The following ANKRD17 variants were observed in gnomAD, a reference collection of about 807,000 sequenced individuals.
The protein encoded by ANKRD17 is ankyrin repeat domain-containing protein 17.
In ANKRD17, 19 loss-of-function variants were observed where a neutral mutation model predicts 229.7. That is an observed-to-expected ratio of 0.08 (90% CI 0.06 to 0.12). The LOEUF is 0.12. Among genes scored for constraint, ANKRD17 ranks in the 10% least tolerant of loss-of-function variants. The pLI is 1.00. For synonymous variants in ANKRD17, 1,112 were observed against 1,146.1 expected (o/e 0.97, Z 0.60); for missense variants, 2,176 against 3,176.8 (o/e 0.68, Z 7.57).
intron 3 of ANKRD17, 71 bp downstream of exon 3, chr4:73,161,121 G>A: frequency 6.4e-7 from 1 of 1,553,050 alleles, no homozygotes; most frequent in Admixed American, 1.8e-5. Context: ...TAAATGCTCA[G>A]TAAATGTTAG....
chr4:73,130,030 G>A (rs1560564811), intron 16 of ANKRD17, among the ~76,000 whole-genome samples: 1 of 151,796 alleles, frequency 6.6e-6, no homozygotes, highest in Non-Finnish European at 1.5e-5. Flanking sequence ...CTCCCAAAGT[G>A]CTGGGATTAC....
intron 6 of ANKRD17, among the ~76,000 whole-genome samples, chr4:73,153,331 A>T (rs1380003795): frequency 6.6e-6 from 1 of 152,120 alleles, no homozygotes; most frequent in African/African-American, 2.4e-5. Context: ...TTAATAAAAA[A>T]TTTTCTTAAT....
At chr4:73,094,804 T>C (rs180950284) in intron 27 of ANKRD17, among the ~76,000 whole-genome samples, 131 of 152,052 alleles carry the variant, frequency 8.6e-4, no homozygotes, top group African/African-American at 2.9e-3. Flanking sequence ...GAAAGACTTC[T>C]TGTGGGCCCC....
intron 1 of ANKRD17, among the ~76,000 whole-genome samples, chr4:73,212,598 A>T (rs184762438): frequency 1.7e-3 from 244 of 147,326 alleles, no homozygotes; most frequent in South Asian, 4.7e-3. Context: ...GAAAGATATT[A>T]AAAAAAAAAA....
chr4:73,253,456 G>A (rs1051755082), intron 1 of ANKRD17, among the ~76,000 whole-genome samples: 4 of 152,154 alleles, frequency 2.6e-5, no homozygotes, highest in Admixed American at 1.3e-4. Flanking sequence ...ATGAGAATAC[G>A]AGAAAATTGT....
chr4:73,176,105 G>GA (rs574071202), intron 2 of ANKRD17, among the ~76,000 whole-genome samples: 13 of 151,462 alleles, frequency 8.6e-5, no homozygotes, highest in Admixed American at 2.0e-4. Flanking sequence ...CAAACAATAG[G>GA]AAAAAAAATC....
At chr4:73,117,482 T>C (rs1436203617) in intron 22 of ANKRD17, among the ~76,000 whole-genome samples, 3 of 152,206 alleles carry the variant, frequency 2.0e-5, no homozygotes, top group South Asian at 4.1e-4. Flanking sequence ...GATAATGATA[T>C]GCTAGCTTGC....
chr4:73,222,743 T>C (rs1305669033), intron 1 of ANKRD17, among the ~76,000 whole-genome samples: 1 of 152,184 alleles, frequency 6.6e-6, no homozygotes, highest in African/African-American at 2.4e-5. Flanking sequence ...CAAACATATA[T>C]CTACAATTTA....
At chr4:73,086,667 T>C (rs1722158719) in intron 29 of ANKRD17, among the ~76,000 whole-genome samples, 1 of 151,206 alleles carries the variant, frequency 6.6e-6, no homozygotes, top group South Asian at 2.1e-4. Context: ...TAGCTCACGG[T>C]AGCCACAAAC....
chr4:73,144,698 G>A, intron 11 of ANKRD17, 47 bp downstream of exon 11: 2 of 1,305,140 alleles, frequency 1.5e-6, no homozygotes, highest in Non-Finnish European at 1.0e-6. Flanking sequence ...AATGAAGGCA[G>A]GGGTAGATAC....
At chr4:73,083,913 A>G (rs937805617) in intron 30 of ANKRD17, among the ~76,000 whole-genome samples, 5 of 151,600 alleles carry the variant, frequency 3.3e-5, no homozygotes, top group African/African-American at 1.2e-4. Context: ...ATTGCTAGTT[A>G]GAAGAAATTT....
intron 24 of ANKRD17, among the ~76,000 whole-genome samples, chr4:73,106,922 A>G (rs1291250549): frequency 1.3e-5 from 2 of 150,018 alleles, no homozygotes; most frequent in Admixed American, 6.7e-5. Flanking sequence ...TAAAAGTTAC[A>G]CCGGAGCAGA....
intron 1 of ANKRD17, among the ~76,000 whole-genome samples, chr4:73,238,962 G>C (rs777213670): frequency 6.6e-5 from 10 of 152,118 alleles, no homozygotes; most frequent in Non-Finnish European, 1.3e-4. Flanking sequence ...AAGATTAAAT[G>C]ATATACAGCA....
rs371600971 is a variant in ANKRD17 at position 73,148,795 on chromosome 4, C to T, written c.1567+18G>A. On this transcript the variant is annotated intron_variant, in intron 8 of 33. Coordinates refer to ENST00000358602, the MANE Select transcript of ANKRD17 (RefSeq NM_032217.5). ...GTTTTACACATTTATACTTTAGTGT[C>T]TTGATAGATACGGTTACCTTGACCA... is the stretch of plus-strand genomic sequence containing the variant. The T allele has an allele frequency of 1.2e-6, 2 of 1,600,678 alleles. No homozygotes were observed. Among genetic ancestry groups the T allele is most frequent in the African/African-American group, 2.7e-5 (2 of 74,590 alleles).
At chr4:73,224,321 T>C (rs1742232586) in intron 1 of ANKRD17, among the ~76,000 whole-genome samples, 1 of 152,164 alleles carries the variant, frequency 6.6e-6, no homozygotes, top group African/African-American at 2.4e-5. Context: ...GCTGGTACTA[T>C]CTCCTCAAAG....
At chr4:73,193,292 AT>A in intron 1 of ANKRD17, among the ~76,000 whole-genome samples, 1 of 152,316 alleles carries the variant, frequency 6.6e-6, no homozygotes. Context: ...ATGTATCACA[AT>A]TTGTTTGGTT....
chr4:73,170,194 G>GC (rs2148957674), intron 2 of ANKRD17, among the ~76,000 whole-genome samples: 1 of 151,994 alleles, frequency 6.6e-6, no homozygotes, highest in East Asian at 2.0e-4. Flanking sequence ...TGAGAGAAAA[G>GC]AGCAGAGACA....
Position 73,098,412 on chromosome 4 carries a change from G to T in ANKRD17, c.4682C>A (p.Thr1561Asn). 3.1e-6 allele frequency: 5 copies of T among 1,614,016 alleles called. No homozygotes were observed. Among genetic ancestry groups the T allele is most frequent in the Middle Eastern group, 1.6e-4 (1 of 6,062 alleles). The change falls in exon 26 of 34, where the codon ACC becomes AAC. Residue 1561 changes from threonine to asparagine, a missense_variant. Coordinates refer to ENST00000358602, the MANE Select transcript of ANKRD17 (RefSeq NM_032217.5). ...CCTCTTTGAACTGGTTGTAGTTATG[G>T]TATTATTTCTTTTACCATGAGAACC... ...LAGSHGKRNN[T>N]ITTTSSKRKN...
intron 23 of ANKRD17, 152 bp from the exon 24 acceptor site, chr4:73,114,060 T>C: frequency 1.8e-6 from 1 of 546,942 alleles, no homozygotes; most frequent in Non-Finnish European, 3.3e-6. Flanking sequence ...AAAAACGTAA[T>C]TGACATGGTA....
Sources: allele counts gnomAD v4.1 joint callset (sites outside exome capture counted in the v4.1 genomes callset), GRCh38; gene constraint gnomAD v4.1.1; transcripts MANE v1.5; gene names NCBI Gene and HGNC (gene_info 2026-07-23, HGNC 2026-07-21).